Variants in RNF169 observed in about 807,000 individuals in gnomAD.
RNF169 encodes the protein ring finger protein 169.
RNF169 carries 24 observed loss-of-function variants against 53.9 expected under a neutral mutation model. The ratio of observed to expected loss-of-function variants is 0.45; its 90% confidence interval spans 0.32 to 0.63. RNF169 has a LOEUF of 0.63. Among genes scored for constraint, RNF169 ranks in the 20% least tolerant of loss-of-function variants. The pLI is 0.04. For synonymous variants in RNF169, 396 were observed against 363.5 expected (o/e 1.09, Z -1.02); for missense variants, 883 against 906.2 (o/e 0.97, Z 0.33).
intron 1 of RNF169, among the ~76,000 whole-genome samples, chr11:74,785,075 CTA>C (rs1049065117): frequency 2.0e-5 from 3 of 150,286 alleles, no homozygotes; most frequent in African/African-American, 7.3e-5. Context: ...TTCCGCATTC[CTA>C]TGAGGTAGCT....
At position 74,836,900 on chromosome 11, in the gene RNF169, T is replaced by G. The variant is rs1218070648; in HGVS notation, c.*170T>G. 1.7e-6 allele frequency: 1 copy of G among 596,426 alleles called. No homozygotes were observed. Among genetic ancestry groups the G allele is most frequent in the Non-Finnish European group, 2.9e-6 (1 of 349,358 alleles). The allele number at this position is 596,426 out of a possible 1,614,324, so 36.9% of individuals were successfully genotyped here. A position where few individuals can be genotyped will look rare whatever the true frequency, so the allele number is the denominator to read the frequency against. On this transcript the variant is annotated 3_prime_UTR_variant, in exon 6 of 6. Transcript: ENST00000299563. The stretch of plus-strand genomic sequence containing the variant: ...AATATCCAAGGGAAAAGCATCTCCG[T>G]TTCTCTGTGACCCAGGCCAGAAGCC...
In RNF169 at chr11:74,837,471, C is replaced by G. The variant is rs2036274529; in HGVS notation, c.*741C>G. On this transcript the variant is annotated 3_prime_UTR_variant, in exon 6 of 6. Coordinates refer to ENST00000299563, the MANE Select transcript of RNF169 (RefSeq NM_001098638.2). ...TTTTCTAAAGGTTTCCCAAATAGATCACAACCTAAGGGTGTGCCAGGGGAG... is the reference window on the plus strand; with the variant it reads ...TTTTCTAAAGGTTTCCCAAATAGATGACAACCTAAGGGTGTGCCAGGGGAG... 1 of 152,192 alleles carries G rather than the reference C, an allele frequency of 6.6e-6. No individual in the cohort carries two copies. The highest frequency in any genetic ancestry group is 2.1e-4 in the South Asian group (1 of 4,832). 9.4% of individuals were successfully genotyped at this position (152,192 alleles called of 1,614,324 possible). A position where few individuals can be genotyped will look rare whatever the true frequency, so the allele number is the denominator to read the frequency against.
At chr11:74,785,085 G>A (rs1240956737) in intron 1 of RNF169, among the ~76,000 whole-genome samples, 2 of 149,908 alleles carry the variant, frequency 1.3e-5, no homozygotes, top group Non-Finnish European at 3.0e-5. Context: ...CTATGAGGTA[G>A]CTTGGCCGGT....
At chr11:74,800,350 A>T (rs1441473991) in intron 2 of RNF169, among the ~76,000 whole-genome samples, 1 of 152,178 alleles carries the variant, frequency 6.6e-6, no homozygotes, top group African/African-American at 2.4e-5. Context: ...TAAAAAATGC[A>T]GGTGTTCAAC....
At position 74,750,238 on chromosome 11, in the gene RNF169, T is replaced by C. The variant is rs377693722; in HGVS notation, c.502+856T>C. 1.5e-4 allele frequency among the ~76,000 whole-genome samples: 23 copies of C among 152,310 alleles called. No individual in the cohort carries two copies. The East Asian group carries it at 2.9e-3, about 19-fold the overall frequency. On this transcript the variant is annotated intron_variant, in intron 1 of 5. Transcript: ENST00000299563. ...TGCCCTGTATAAAATAAGACTGTTA[T>C]AACTTAGGATTCTTTTGGGGACACA...
At chr11:74,765,047 A>G (rs2035150806) in intron 1 of RNF169, among the ~76,000 whole-genome samples, 1 of 152,142 alleles carries the variant, frequency 6.6e-6, no homozygotes, top group African/African-American at 2.4e-5. Context: ...CCCTGTCTCT[A>G]CTAAAAATCA....
intron 4 of RNF169, among the ~76,000 whole-genome samples, chr11:74,821,657 CAAAAAAAAAAAAAAA>C (rs1230736435): frequency 7.7e-5 from 2 of 26,074 alleles, no homozygotes; most frequent in East Asian, 9.6e-4. Flanking sequence ...GACTCCGTCT[CAAAAAAAAAAAAAAA>C]AAAAAAAAAA....
chr11:74,841,151 C>A lies in RNF169; in HGVS notation c.*4421C>A, dbSNP rs2036479066. On this transcript the variant is annotated 3_prime_UTR_variant, in exon 6 of 6. Transcript: ENST00000299563. ...TAATTAAGAATTAAAAGCCAGCTAG[C>A]CAAATTTTCTTTAAAAATTGGAAAC... The A allele has an allele frequency of 6.6e-6, 1 of 152,020 alleles. No individual in the cohort carries two copies. Among genetic ancestry groups the A allele is most frequent in the South Asian group, 2.1e-4 (1 of 4,808 alleles). 9.4% of individuals were successfully genotyped at this position (152,020 alleles called of 1,614,324 possible). A position where few individuals can be genotyped will look rare whatever the true frequency, so the allele number is the denominator to read the frequency against.
intron 1 of RNF169, among the ~76,000 whole-genome samples, chr11:74,754,636 C>CA (rs1293459885): frequency 6.6e-6 from 1 of 152,138 alleles, no homozygotes; most frequent in Non-Finnish European, 1.5e-5. Flanking sequence ...GCCTGGCCAA[C>CA]ATGGGGAAAC....
intron 1 of RNF169, among the ~76,000 whole-genome samples, chr11:74,776,402 T>G (rs958513420): frequency 6.6e-6 from 1 of 151,368 alleles, no homozygotes; most frequent in Non-Finnish European, 1.5e-5. Context: ...CACCTTTGCC[T>G]TAATTATAAA....
intron 2 of RNF169, among the ~76,000 whole-genome samples, chr11:74,805,496 G>A (rs1177956052): frequency 2.0e-5 from 3 of 152,128 alleles, no homozygotes; most frequent in Non-Finnish European, 4.4e-5. Context: ...CATTCCATAT[G>A]TGTCATATTA....
At chr11:74,823,033 TG>T (rs2036037974) in intron 4 of RNF169, among the ~76,000 whole-genome samples, 1 of 152,212 alleles carries the variant, frequency 6.6e-6, no homozygotes, top group Admixed American at 6.5e-5. Context: ...TTATTGCTCT[TG>T]ACTATTCTGC....
chr11:74,793,208 G>T (rs890562079), intron 2 of RNF169, among the ~76,000 whole-genome samples: 1 of 152,190 alleles, frequency 6.6e-6, no homozygotes, highest in Non-Finnish European at 1.5e-5. Flanking sequence ...ATTAGTGGTC[G>T]ATTGGGATAG....
chr11:74,808,125 G>A (rs1299234573), intron 2 of RNF169: 1 of 152,000 alleles, frequency 6.6e-6, no homozygotes, highest in Non-Finnish European at 1.5e-5. Context: ...CAGCACTTTG[G>A]GAGGCAGGAG....
chr11:74,757,963 A>C (rs1323606909), intron 1 of RNF169, among the ~76,000 whole-genome samples: 1 of 78,290 alleles, frequency 1.3e-5, no homozygotes, highest in Non-Finnish European at 2.2e-5. Context: ...GTTCACTCTG[A>C]TGGTAGTTTC....
chr11:74,787,626 A>G (rs532327929), intron 1 of RNF169, among the ~76,000 whole-genome samples: 38 of 152,170 alleles, frequency 2.5e-4, no homozygotes, highest in African/African-American at 8.4e-4. Context: ...CTCCTGGGCA[A>G]CACTGTGAGA....
intron 1 of RNF169, among the ~76,000 whole-genome samples, chr11:74,762,169 AC>A (rs948831490): frequency 6.7e-6 from 1 of 150,262 alleles, no homozygotes. Context: ...TCCTTTAAAC[AC>A]TTCTCTGTAT....
chr11:74,787,472 C>T (rs982612626), intron 1 of RNF169, among the ~76,000 whole-genome samples: 6 of 152,058 alleles, frequency 3.9e-5, no homozygotes, highest in Admixed American at 6.5e-5. Context: ...ATTAGCAAAG[C>T]GAAAAGGTTT....
chr11:74,826,945 C>A (rs116874547), intron 4 of RNF169, among the ~76,000 whole-genome samples: 2,321 of 152,266 alleles, frequency 0.015, 174 homozygotes, highest in Admixed American at 0.13. Flanking sequence ...TTTTTAGGTA[C>A]ATGGTGTAAG....
Sources: gnomAD v4.1 joint callset for allele counts (sites outside exome capture counted in the v4.1 genomes callset) on GRCh38, gnomAD v4.1.1 for gene constraint, MANE v1.5 for transcripts, NCBI Gene and HGNC (gene_info 2026-07-23, HGNC 2026-07-21) for gene names.